CYTH1: variants seen among roughly 807,000 people sequenced by gnomAD.
The protein encoded by CYTH1 is cytohesin-1.
Under a neutral mutation model 61.8 loss-of-function variants are expected in CYTH1, and 18 were observed. The ratio of observed to expected loss-of-function variants is 0.29; its 90% CI spans 0.20 to 0.43. The LOEUF (loss-of-function observed/expected upper bound fraction) is 0.43, where lower values mean the gene tolerates loss of function less well. Among genes scored for constraint, CYTH1 ranks in the 20% least tolerant of loss-of-function variants. The pLI is 1.00. For synonymous variants in CYTH1, 174 were observed against 184.3 expected (o/e 0.94, Z 0.45); for missense variants, 336 against 510.5 (o/e 0.66, Z 3.29).
intron 1 of CYTH1, among the ~76,000 whole-genome samples, chr17:78,739,990 C>T (rs1182259320): frequency 2.0e-5 from 3 of 152,112 alleles, no homozygotes; most frequent in Non-Finnish European, 2.9e-5. Context: ...GGCTGAAGCG[C>T]AGTGGCGCGA....
chr17:78,740,891 T>C (rs1174408636), intron 1 of CYTH1, among the ~76,000 whole-genome samples: 1 of 152,174 alleles, frequency 6.6e-6, no homozygotes, highest in Non-Finnish European at 1.5e-5. Flanking sequence ...TTTATTTAAA[T>C]GGAAGCTTTT....
intron 1 of CYTH1, among the ~76,000 whole-genome samples, chr17:78,776,747 C>T (rs1311659197): frequency 1.2e-4 from 18 of 147,570 alleles, no homozygotes; most frequent in Admixed American, 1.2e-3. Flanking sequence ...TTTTCTTTTT[C>T]CTGAGCAGAA....
At chr17:78,713,590 C>T (rs952503562) in intron 1 of CYTH1, among the ~76,000 whole-genome samples, 2 of 151,184 alleles carry the variant, frequency 1.3e-5, no homozygotes, top group African/African-American at 2.4e-5. Context: ...CAACTTGTAT[C>T]ATTCTAAACT....
intron 1 of CYTH1, among the ~76,000 whole-genome samples, chr17:78,763,582 CTAA>C (rs780007241): frequency 6.6e-5 from 10 of 151,972 alleles, no homozygotes; most frequent in South Asian, 2.1e-4. Flanking sequence ...TAATAATAAA[CTAA>C]TAATAAAGAA....
At chr17:78,690,762 T>C (rs991497122) in intron 11 of CYTH1, among the ~76,000 whole-genome samples, 2 of 152,158 alleles carry the variant, frequency 1.3e-5, no homozygotes, top group South Asian at 4.1e-4. Context: ...CTTTGCTGAA[T>C]AAATATTGCT....
At chr17:78,696,580 T>C (rs2092941258) in intron 9 of CYTH1, 1 of 152,534 alleles carries the variant, frequency 6.6e-6, no homozygotes, top group African/African-American at 2.4e-5. Context: ...TGATACTAAG[T>C]GTGCTACAAT....
At chr17:78,758,270 C>G (rs796540202) in intron 1 of CYTH1, among the ~76,000 whole-genome samples, 3 of 152,360 alleles carry the variant, frequency 2.0e-5, no homozygotes, top group African/African-American at 7.2e-5. Context: ...CCAAGCATCC[C>G]TGCATGTCCT....
At chr17:78,732,078 C>G (rs2093297937) in intron 1 of CYTH1, among the ~76,000 whole-genome samples, 1 of 152,224 alleles carries the variant, frequency 6.6e-6, no homozygotes. Context: ...GCCACTCCTG[C>G]TCCAACTCTA....
At chr17:78,770,408 T>G (rs998624402) in intron 1 of CYTH1, among the ~76,000 whole-genome samples, 6 of 151,628 alleles carry the variant, frequency 4.0e-5, no homozygotes, top group South Asian at 4.2e-4. Flanking sequence ...AGGCGGGTTT[T>G]TTTTGTTTTG....
chr17:78,734,558 A>G (rs961267908), intron 1 of CYTH1, among the ~76,000 whole-genome samples: 2 of 144,082 alleles, frequency 1.4e-5, no homozygotes, highest in Non-Finnish European at 3.0e-5. Flanking sequence ...CTCCTGCCTC[A>G]GCCTCCAAGT....
At chr17:78,782,061 G>T in intron 1 of CYTH1, 141 bp downstream of exon 1, 4 of 714,528 alleles carry the variant, frequency 5.6e-6, no homozygotes, top group Non-Finnish European at 7.3e-6. Context: ...CGCACCGCTC[G>T]CCCGCCGGTC....
At chr17:78,680,867 G>T in intron 12 of CYTH1, 104 bp downstream of exon 12, 2 of 1,104,414 alleles carry the variant, frequency 1.8e-6, no homozygotes, top group Non-Finnish European at 1.4e-6. Context: ...CTAAATAAAA[G>T]CCTGATCACG....
chr17:78,766,163 GA>G (rs2093447991), intron 1 of CYTH1, among the ~76,000 whole-genome samples: 1 of 150,972 alleles, frequency 6.6e-6, no homozygotes, highest in Non-Finnish European at 1.5e-5. Context: ...CTTCGGGCAG[GA>G]AGACTCTGGG....
chr17:78,767,169 G>C (rs2144738337), intron 1 of CYTH1, among the ~76,000 whole-genome samples: 2 of 152,236 alleles, frequency 1.3e-5, no homozygotes, highest in South Asian at 4.1e-4. Flanking sequence ...TGTTGGGTTT[G>C]CTCAAAAGTA....
Position 78,675,406 on chromosome 17 carries a change from T to C in CYTH1, c.*685A>G. ...GGCCCCCGACTCTGACTGTGCCGTCTGAGGCTCCACTGGGCCTCTGCCCTC... is the reference window on the plus strand; with the variant it reads ...GGCCCCCGACTCTGACTGTGCCGTCCGAGGCTCCACTGGGCCTCTGCCCTC... On this transcript the variant is annotated 3_prime_UTR_variant, in exon 14 of 14. Transcript: ENST00000446868. 1 of 152,560 alleles carries C rather than the reference T, an allele frequency of 6.6e-6. No homozygotes were observed. Among genetic ancestry groups the C allele is most frequent in the Non-Finnish European group, 1.5e-5 (1 of 68,198 alleles). The allele number at this position is 152,560 out of a possible 1,614,324, so 9.5% of individuals were successfully genotyped here.
At chr17:78,770,951 A>G (rs915505786) in intron 1 of CYTH1, among the ~76,000 whole-genome samples, 6 of 152,000 alleles carry the variant, frequency 3.9e-5, no homozygotes, top group Non-Finnish European at 8.8e-5. Context: ...AACATGGTGA[A>G]ACACCGTCTC....
chr17:78,702,631 T>C (rs745368156), intron 3 of CYTH1, 27 bp from the exon 4 acceptor site: 1 of 1,612,066 alleles, frequency 6.2e-7, no homozygotes, highest in Admixed American at 1.7e-5. Context: ...ACAGCCATTT[T>C]AGTACTTCAG....
At chr17:78,677,066 A>T (rs1232698093) in intron 13 of CYTH1, 2 of 456,060 alleles carry the variant, frequency 4.4e-6, no homozygotes, top group South Asian at 3.1e-5. Flanking sequence ...CACAAGAGAC[A>T]GTGTGTCCAT....
At chr17:78,692,376 T>C (rs1598832923) in intron 11 of CYTH1, 41 bp downstream of exon 11, 50 of 1,605,642 alleles carry the variant, frequency 3.1e-5, no homozygotes, top group Non-Finnish European at 4.1e-5. Context: ...ACCGGAGGCC[T>C]TGCCCATCCC....
Sources: gnomAD v4.1 joint callset for allele counts (sites outside exome capture counted in the v4.1 genomes callset) on GRCh38, gnomAD v4.1.1 for gene constraint, MANE v1.5 for transcripts, NCBI Gene and HGNC (gene_info 2026-07-23, HGNC 2026-07-21) for gene names.